The following ORC2 variants were observed in gnomAD, a reference collection of about 807,000 sequenced individuals.
ORC2 encodes origin recognition complex protein 2 homolog.
ORC2 carries 37 observed loss-of-function variants against 77.7 expected under a neutral mutation model. That is an observed-to-expected ratio of 0.48 (90% confidence interval 0.37 to 0.63). ORC2 has a LOEUF of 0.63. Among genes scored for constraint, ORC2 ranks in the 20% least tolerant of loss-of-function variants. The pLI is 0.00. For missense variants in ORC2, 557 were observed against 661.9 expected (o/e 0.84, Z 1.74); for synonymous variants, 201 against 229.5 (o/e 0.88, Z 1.12).
At chr2:200,952,502 C>T (rs1297884920) in intron 4 of ORC2, among the ~76,000 whole-genome samples, 1 of 152,016 alleles carries the variant, frequency 6.6e-6, no homozygotes, top group East Asian at 1.9e-4. Context: ...ACCTCATGAT[C>T]CACCCACCTT....
Position 200,926,869 on chromosome 2 carries a change from C to G in ORC2, c.949G>C (p.Gly317Arg). 6.2e-7 allele frequency: 1 copy of G among 1,613,910 alleles called. No homozygotes were observed. The highest frequency in any genetic ancestry group is 1.1e-5 in the South Asian group (1 of 91,070). Residue 317 changes from glycine to arginine, a missense_variant, in exon 12 of 18, where the codon GGT becomes CGT. Physicochemically the swap from Gly to Arg is moderately radical, Grantham distance 125 (BLOSUM62 -2). Transcript: ENST00000234296. ...CTTTCTAGTAAATCTCTCTTAGAAC[C>G]CAAACCATAAAGCACAATGTTGAAC... is the stretch of plus-strand genomic sequence containing the variant. The part of the protein sequence containing the change: ...LGFNIVLYGL[G>R]SKRDLLERFR...
intron 9 of ORC2, 61 bp from the exon 10 acceptor site, chr2:200,934,035 T>C: frequency 1.3e-6 from 1 of 796,076 alleles, no homozygotes; most frequent in Non-Finnish European, 2.1e-6. Context: ...ATATCAAAAT[T>C]AGACAGTAAT....
chr2:200,925,763 T>C, intron 13 of ORC2, 73 bp downstream of exon 13: 1 of 604,204 alleles, frequency 1.7e-6, no homozygotes, highest in Non-Finnish European at 3.0e-6. Flanking sequence ...ATTGTATGTA[T>C]ATAAATACAT....
rs553886526 is a variant in ORC2 at position 200,959,307 on chromosome 2, C to T, written c.-11+85G>A. The T allele has an allele frequency of 5.9e-5, 9 of 152,310 alleles. No homozygotes were observed. In the South Asian group the frequency reaches 1.9e-3, roughly 32 times the overall value. The allele number at this position is 152,310 out of a possible 1,614,324, so 9.4% of individuals were successfully genotyped here. On this transcript the variant is annotated intron_variant, in intron 2 of 17. Transcript: ENST00000234296. Reference sequence around the variant, plus strand: ...CATTTATCTCTTCTGAGTTCATTAACTGCAGGAAGAAAACTAATTCAATGT... The same window carrying T: ...CATTTATCTCTTCTGAGTTCATTAATTGCAGGAAGAAAACTAATTCAATGT...
At chr2:200,960,298 C>A (rs549395909) in intron 1 of ORC2, among the ~76,000 whole-genome samples, 2 of 151,714 alleles carry the variant, frequency 1.3e-5, no homozygotes, top group Non-Finnish European at 2.9e-5. Flanking sequence ...TTTTAAACAA[C>A]AACGACAACA....
intron 5 of ORC2, among the ~76,000 whole-genome samples, chr2:200,949,100 G>A (rs1575179601): frequency 6.6e-6 from 1 of 151,904 alleles, no homozygotes; most frequent in South Asian, 2.1e-4. Flanking sequence ...AATTAGCCGG[G>A]TGTGGTGGAG....
intron 5 of ORC2, among the ~76,000 whole-genome samples, chr2:200,947,245 C>T (rs763192954): frequency 6.6e-6 from 1 of 152,018 alleles, no homozygotes; most frequent in South Asian, 2.1e-4. Context: ...TACTAAGAAA[C>T]ACATCAATTA....
intron 10 of ORC2, among the ~76,000 whole-genome samples, chr2:200,932,926 T>C (rs2040968425): frequency 6.6e-6 from 1 of 152,206 alleles, no homozygotes; most frequent in Non-Finnish European, 1.5e-5. Context: ...TACTGAAGAT[T>C]GTATTGGTTA....
chr2:200,949,419 CATT>C (rs1234711743), intron 5 of ORC2, 132 bp downstream of exon 5: 4 of 602,866 alleles, frequency 6.6e-6, no homozygotes, highest in Admixed American at 3.3e-5. Flanking sequence ...GGGAACGTCT[CATT>C]ATTCCCTAAA....
intron 4 of ORC2, among the ~76,000 whole-genome samples, chr2:200,952,370 C>T (rs1020474886): frequency 6.6e-6 from 1 of 152,110 alleles, no homozygotes; most frequent in African/African-American, 2.4e-5. Context: ...TGCCATTCTC[C>T]TGCCTCCACC....
rs1553491735 is a variant in ORC2, at chr2:200,910,785, T to C, written c.*516A>G. The stretch of plus-strand genomic sequence containing the variant: ...CTGGATCACTCACCTCTTCCCAATC[T>C]ACACCTTTTAAGTTGTTTTAGAAAC... On this transcript the variant is annotated 3_prime_UTR_variant, in exon 18 of 18. Coordinates refer to ENST00000234296, the MANE Select transcript of ORC2 (RefSeq NM_006190.5). 1 of 153,618 alleles carries C rather than the reference T, an allele frequency of 6.5e-6. No homozygotes were observed. The highest frequency in any genetic ancestry group is 1.4e-5 in the Non-Finnish European group (1 of 69,056). The allele number at this position is 153,618 out of a possible 1,614,324, so 9.5% of individuals were successfully genotyped here.
chr2:200,943,767 T>G (rs149840840), intron 5 of ORC2, among the ~76,000 whole-genome samples: 126 of 152,250 alleles, frequency 8.3e-4, no homozygotes, highest in Middle Eastern at 3.4e-3. Flanking sequence ...TTCTTCTTCC[T>G]TAATCCCTTC....
chr2:200,914,896 C>CA (rs1225212451), intron 15 of ORC2, among the ~76,000 whole-genome samples: 1 of 150,788 alleles, frequency 6.6e-6, no homozygotes, highest in African/African-American at 2.4e-5. Flanking sequence ...GCTGTTATCT[C>CA]AAATCTTTGT....
intron 2 of ORC2, among the ~76,000 whole-genome samples, chr2:200,958,775 A>C (rs2125039500): frequency 6.6e-6 from 1 of 152,360 alleles, no homozygotes; most frequent in African/African-American, 2.4e-5. Flanking sequence ...ACAAACCTCC[A>C]GAGTTTGGCA....
intron 9 of ORC2, among the ~76,000 whole-genome samples, chr2:200,934,291 T>C (rs2040994353): frequency 6.6e-6 from 1 of 151,984 alleles, no homozygotes; most frequent in African/African-American, 2.4e-5. Context: ...TCAAGATCTT[T>C]GTTTCTCCTC....
chr2:200,949,696 A>G, intron 4 of ORC2, 53 bp from the exon 5 acceptor site: 2 of 1,092,946 alleles, frequency 1.8e-6, no homozygotes, highest in Non-Finnish European at 2.7e-6. Flanking sequence ...AAATTAACAG[A>G]AAAAAATTTT....
chr2:200,922,317 C>T (rs2040774473), intron 13 of ORC2, among the ~76,000 whole-genome samples: 1 of 140,500 alleles, frequency 7.1e-6, no homozygotes, highest in African/African-American at 2.7e-5. Flanking sequence ...AAGAAAGTTA[C>T]AGGTGATCAA....
In ORC2 at chr2:200,920,287, C is replaced by T. The variant is rs2040733234; in HGVS notation, c.1401G>A (p.Lys467=). 6.2e-7 allele frequency: 1 copy of T among 1,613,910 alleles called. No homozygotes were observed. Among genetic ancestry groups the T allele is most frequent in the African/African-American group, 1.3e-5 (1 of 75,014 alleles). The stretch of plus-strand genomic sequence containing the variant: ...AGCTAAGTGGCAGGGATCCAGACTG[C>T]TTTACCAGAAGAGAGTTCTCATAGG... ...ETSYENSLLV[K]QSGSLPLSSL... The change falls in exon 15 of 18, where the codon AAG becomes AAA. Residue 467 remains lysine, a synonymous_variant. Coordinates refer to ENST00000234296, the MANE Select transcript of ORC2 (RefSeq NM_006190.5).
At chr2:200,914,503 G>A (rs2040607438) in intron 15 of ORC2, among the ~76,000 whole-genome samples, 2 of 152,266 alleles carry the variant, frequency 1.3e-5, no homozygotes, top group Middle Eastern at 3.4e-3. Context: ...TATAGGCTGA[G>A]TGTGGTGCCT....
Sources: gnomAD v4.1 joint callset for allele counts (sites outside exome capture counted in the v4.1 genomes callset) on GRCh38, gnomAD v4.1.1 for gene constraint, MANE v1.5 for transcripts, NCBI Gene and HGNC (gene_info 2026-07-23, HGNC 2026-07-21) for gene names.